Variants in SYT9 observed in about 807,000 individuals in gnomAD.
The protein encoded by SYT9 is synaptotagmin 9.
SYT9 carries 22 observed loss-of-function variants against 48.4 expected under a neutral mutation model. The ratio of observed to expected loss-of-function variants is 0.45; its 90% CI spans 0.32 to 0.65. SYT9 has a LOEUF of 0.65. Ranked by LOEUF, SYT9 falls within the 30% of genes least tolerant of loss-of-function variation. The probability of loss-of-function intolerance (pLI) is 0.03; values close to 1 mark genes in which losing one functional copy is unlikely to be tolerated. For missense variants in SYT9, 577 were observed against 622.0 expected (o/e 0.93, Z 0.77); for synonymous variants, 265 against 245.0 (o/e 1.08, Z -0.76).
At chr11:7,453,820 G>A (rs537003537) in intron 6 of SYT9, among the ~76,000 whole-genome samples, 72 of 152,316 alleles carry the variant, frequency 4.7e-4, no homozygotes, top group Middle Eastern at 3.4e-3. Context: ...GTGTGGCCAG[G>A]ACCATGAGCA....
intron 6 of SYT9, among the ~76,000 whole-genome samples, chr11:7,432,289 G>A (rs1028891926): frequency 4.6e-5 from 7 of 152,054 alleles, no homozygotes; most frequent in African/African-American, 1.7e-4. Context: ...GCTCACGCCT[G>A]TAATCCCAGC....
At chr11:7,430,265 T>C (rs1473652005) in intron 6 of SYT9, among the ~76,000 whole-genome samples, 2 of 152,214 alleles carry the variant, frequency 1.3e-5, no homozygotes, top group Admixed American at 6.5e-5. Context: ...TGTGATGATA[T>C]TGATAATCAA....
chr11:7,391,060 T>C (rs1010817621), intron 3 of SYT9, among the ~76,000 whole-genome samples: 1 of 152,182 alleles, frequency 6.6e-6, no homozygotes, highest in African/African-American at 2.4e-5. Context: ...CCACCACTTA[T>C]AAGTGAGAAT....
chr11:7,309,610 A>G (rs1200419465), intron 2 of SYT9, among the ~76,000 whole-genome samples: 1 of 152,050 alleles, frequency 6.6e-6, no homozygotes, highest in Non-Finnish European at 1.5e-5. Flanking sequence ...TAATGGCTCT[A>G]TATTCCGTAT....
intron 3 of SYT9, among the ~76,000 whole-genome samples, chr11:7,376,600 G>T (rs1006044418): frequency 6.6e-6 from 1 of 152,102 alleles, no homozygotes; most frequent in South Asian, 2.1e-4. Flanking sequence ...CACATGGAAT[G>T]ACCTTGGGCT....
intron 3 of SYT9, among the ~76,000 whole-genome samples, chr11:7,391,720 G>T (rs528734860): frequency 1.0e-5 from 1 of 97,248 alleles, no homozygotes; most frequent in Non-Finnish European, 2.0e-5. Flanking sequence ...GGACAACATG[G>T]TAAAACCCCA....
rs367721445 is a variant in SYT9, at chr11:7,354,383, G to T, written c.1044+40442G>T. Among the ~76,000 whole-genome samples, 8 of 152,290 alleles carry T rather than the reference G, an allele frequency of 5.3e-5. No individual in the cohort carries two copies. In the East Asian group the frequency reaches 1.2e-3, roughly 22 times the overall value. On this transcript the variant is annotated intron_variant, in intron 3 of 6. Coordinates refer to ENST00000318881, the MANE Select transcript of SYT9 (RefSeq NM_175733.4). ...TATAGACAATTCTGAGTGGGCTTAG[G>T]CCATGGTGAATGTGATGGTCCAAAT...
intron 2 of SYT9, among the ~76,000 whole-genome samples, chr11:7,303,687 A>G (rs577606009): frequency 6.6e-6 from 1 of 152,282 alleles, no homozygotes; most frequent in African/African-American, 2.4e-5. Flanking sequence ...TATCATTCTT[A>G]TTTTACAGCA....
Position 7,313,607 on chromosome 11 carries a change from T to G in SYT9, c.710T>G (p.Leu237Arg). The G allele has an allele frequency of 6.2e-7, 1 of 1,614,168 alleles. No homozygotes were observed. The highest frequency in any genetic ancestry group is 8.5e-7 in the Non-Finnish European group (1 of 1,180,016). ...AAATATGACTGTGACTTAGAGCAGC[T>G]CATAGTGAAGATTCACAAAGCTGTC... The part of the protein sequence containing the change: ...ILKYDCDLEQ[L>R]IVKIHKAVNL... The change falls in exon 3 of 7, where the codon CTC becomes CGC. Residue 237 changes from leucine to arginine, a missense_variant. Physicochemically the swap from Leu to Arg is moderately radical, Grantham distance 102 (BLOSUM62 -2). Transcript: ENST00000318881.
At chr11:7,266,123 T>C (rs376145577) in intron 1 of SYT9, among the ~76,000 whole-genome samples, 3 of 152,226 alleles carry the variant, frequency 2.0e-5, no homozygotes, top group African/African-American at 7.2e-5. Context: ...GGATGTCAAT[T>C]GTTGGCATAG....
At chr11:7,378,826 T>C (rs766717908) in intron 3 of SYT9, among the ~76,000 whole-genome samples, 6 of 152,076 alleles carry the variant, frequency 3.9e-5, no homozygotes, top group Non-Finnish European at 7.4e-5. Flanking sequence ...CTGCAGGAAT[T>C]CTTAGTTTTG....
rs141688250 is a variant in SYT9, at chr11:7,262,902, A to C, written c.145+10571A>C. 1.7e-3 allele frequency among the ~76,000 whole-genome samples: 255 copies of C among 152,252 alleles called. 3 individuals carry two copies. Among genetic ancestry groups the C allele is most frequent in the Middle Eastern group, 0.01 (3 of 294 alleles). ...ATGGCATAGTAGTTGCTAGTGAGGG[A>C]AGTGAGATCAAGGGTTGTATTTATT... On this transcript the variant is annotated intron_variant, in intron 1 of 6. Transcript: ENST00000318881.
At chr11:7,412,183 A>AT (rs1362316290) in intron 3 of SYT9, among the ~76,000 whole-genome samples, 2 of 151,990 alleles carry the variant, frequency 1.3e-5, no homozygotes, top group Non-Finnish European at 2.9e-5. Context: ...GATTTCATTG[A>AT]TTTTTTATTG....
Position 7,466,991 on chromosome 11 carries a change from C to T in SYT9, c.*191C>T. On this transcript the variant is annotated 3_prime_UTR_variant, in exon 7 of 7. Coordinates refer to ENST00000318881, the MANE Select transcript of SYT9 (RefSeq NM_175733.4). Reference sequence around the variant, plus strand: ...ACCTGAATGGTCCAGCCACCTTCTGCAGGTGGCCCAAGGTGATGTGCTGCA... The same window carrying T: ...ACCTGAATGGTCCAGCCACCTTCTGTAGGTGGCCCAAGGTGATGTGCTGCA... 1 of 649,690 alleles carries T rather than the reference C, an allele frequency of 1.5e-6. No homozygotes were observed. Among genetic ancestry groups the T allele is most frequent in the East Asian group, 2.8e-5 (1 of 35,684 alleles). The allele number at this position is 649,690 out of a possible 1,614,324, so 40.2% of individuals were successfully genotyped here.
chr11:7,454,774 G>A (rs1196876618), intron 6 of SYT9, among the ~76,000 whole-genome samples: 2 of 152,190 alleles, frequency 1.3e-5, no homozygotes, highest in African/African-American at 4.8e-5. Context: ...TGTCTTGCAG[G>A]TGGTTTCTTC....
At chr11:7,302,075 T>G (rs1315651725) in intron 1 of SYT9, among the ~76,000 whole-genome samples, 1 of 152,228 alleles carries the variant, frequency 6.6e-6, no homozygotes, top group African/African-American at 2.4e-5. Flanking sequence ...GTGCAGCCTC[T>G]GCATTGATTT....
At chr11:7,301,208 T>G (rs1848912836) in intron 1 of SYT9, among the ~76,000 whole-genome samples, 1 of 152,200 alleles carries the variant, frequency 6.6e-6, no homozygotes, top group South Asian at 2.1e-4. Context: ...ATATTGAAAC[T>G]TCAACCCCAG....
chr11:7,248,385 G>C (rs1430282559), upstream of SYT9, among the ~76,000 whole-genome samples: 1 of 151,668 alleles, frequency 6.6e-6, no homozygotes, highest in East Asian at 1.9e-4. Flanking sequence ...TTGGGTTCTT[G>C]GTCACGAAAT....
intron 6 of SYT9, among the ~76,000 whole-genome samples, chr11:7,432,582 A>AATAT (rs1847619609): frequency 1.1e-3 from 4 of 3,510 alleles, no homozygotes; most frequent in Non-Finnish European, 1.1e-3. Flanking sequence ...AAAAAAAAAA[A>AATAT]ATATATATAC....
Sources: gnomAD v4.1 joint callset for allele counts (sites outside exome capture counted in the v4.1 genomes callset) on GRCh38, gnomAD v4.1.1 for gene constraint, MANE v1.5 for transcripts, NCBI Gene and HGNC (gene_info 2026-07-23, HGNC 2026-07-21) for gene names.